Variants in DAB1 observed in about 807,000 individuals in gnomAD.
The protein encoded by DAB1 is disabled homolog 1.
DAB1 carries 15 observed loss-of-function variants against 64.6 expected under a neutral mutation model. The ratio of observed to expected loss-of-function variants is 0.23; its 90% CI spans 0.16 to 0.36. The LOEUF (loss-of-function observed/expected upper bound fraction) is 0.36, where lower values mean the gene tolerates loss of function less well. DAB1 is among the 10% of genes least tolerant of loss of function. The pLI is 1.00. For synonymous variants in DAB1, 235 were observed against 251.9 expected, an observed-to-expected ratio of 0.93 and a Z score of 0.64; for missense variants, 596 against 706.7, an observed-to-expected ratio of 0.84 and a Z score of 1.78.
chr1:57,317,668 C>A (rs75367578), intron 1 of DAB1, among the ~76,000 whole-genome samples: 1 of 152,134 alleles, frequency 6.6e-6, no homozygotes, highest in South Asian at 2.1e-4. Context: ...CAGCATCCAC[C>A]TCACATGGGA....
intron 6 of DAB1, among the ~76,000 whole-genome samples, chr1:57,805,005 G>T (rs1416514789): frequency 1.3e-5 from 2 of 152,170 alleles, no homozygotes; most frequent in Non-Finnish European, 2.9e-5. Flanking sequence ...AATCCAAGCT[G>T]CTCATTAAAA....
At chr1:57,611,193 G>C (rs533523501) in intron 7 of DAB1, among the ~76,000 whole-genome samples, 2 of 143,960 alleles carry the variant, frequency 1.4e-5, no homozygotes, top group South Asian at 4.7e-4. Flanking sequence ...CCAAACTCAG[G>C]CACCCGGCAT....
intron 6 of DAB1, among the ~76,000 whole-genome samples, chr1:57,703,755 G>A (rs3126025): frequency 0.4 from 60,715 of 151,882 alleles, 12,831 homozygotes; most frequent in African/African-American, 0.55. Context: ...TTGCAGCACT[G>A]TTCACAATAT....
intron 4 of DAB1, among the ~76,000 whole-genome samples, chr1:58,269,300 T>G (rs1348344191): frequency 6.6e-6 from 1 of 151,850 alleles, no homozygotes; most frequent in East Asian, 1.9e-4. Context: ...TTACTGAGAA[T>G]GATGACTTCC....
At chr1:58,304,972 TTTTTAA>T (rs1433147804) in intron 4 of DAB1, among the ~76,000 whole-genome samples, 3 of 152,176 alleles carry the variant, frequency 2.0e-5, no homozygotes, top group South Asian at 4.1e-4. Flanking sequence ...CTTTTTTTAA[TTTTTAA>T]TTTTAATTTT....
chr1:57,879,877 C>T (rs1363081843), intron 1 of DAB1, among the ~76,000 whole-genome samples: 4 of 152,120 alleles, frequency 2.6e-5, no homozygotes, highest in East Asian at 1.9e-4. Context: ...AAAGCCCAAA[C>T]GCAGGGAACA....
chr1:57,687,152 C>T (rs1646707366), intron 6 of DAB1, among the ~76,000 whole-genome samples: 1 of 152,186 alleles, frequency 6.6e-6, no homozygotes, highest in South Asian at 2.1e-4. Context: ...ACCCTAAAAA[C>T]TTCATCAAAA....
chr1:58,448,413 T>C (rs938482686), intron 3 of DAB1, among the ~76,000 whole-genome samples: 5 of 152,192 alleles, frequency 3.3e-5, no homozygotes, highest in Non-Finnish European at 7.4e-5. Flanking sequence ...ATAAGAAAAC[T>C]GAGATCAAAG....
intron 4 of DAB1, among the ~76,000 whole-genome samples, chr1:58,182,415 CA>C (rs1234946010): frequency 1.3e-5 from 2 of 151,802 alleles, no homozygotes; most frequent in African/African-American, 4.8e-5. Context: ...ATGAGACTCC[CA>C]TGAAACATAT....
chr1:58,252,766 T>G (rs1660833577), intron 4 of DAB1, among the ~76,000 whole-genome samples: 1 of 152,152 alleles, frequency 6.6e-6, no homozygotes, highest in Admixed American at 6.5e-5. Flanking sequence ...CTCTTGACTT[T>G]CTCCTTCTCT....
chr1:58,417,226 C>A (rs536441524), intron 3 of DAB1, among the ~76,000 whole-genome samples: 1 of 152,166 alleles, frequency 6.6e-6, no homozygotes, highest in Non-Finnish European at 1.5e-5. Flanking sequence ...CAATAAAAAC[C>A]AGCTGTGGTT....
chr1:57,731,757 A>G (rs2101774738), intron 6 of DAB1, among the ~76,000 whole-genome samples: 1 of 152,048 alleles, frequency 6.6e-6, no homozygotes, highest in East Asian at 1.9e-4. Flanking sequence ...GTAAGCCGAG[A>G]TCACATCACT....
At chr1:57,538,118 G>A (rs573274579) in intron 7 of DAB1, among the ~76,000 whole-genome samples, 2 of 152,292 alleles carry the variant, frequency 1.3e-5, no homozygotes, top group Non-Finnish European at 2.9e-5. Flanking sequence ...GAGGTTTGGA[G>A]GGTTCAAATG....
chr1:57,135,076 C>T (rs1014584279), intron 4 of DAB1, among the ~76,000 whole-genome samples: 3 of 152,112 alleles, frequency 2.0e-5, no homozygotes, highest in Admixed American at 2.0e-4. Flanking sequence ...CGAGTTACAC[C>T]TAGCTATTTT....
At chr1:57,090,845 GCAGTACCGCCTGAGCTCTACCTCCTAT>G (rs1653589280) in intron 4 of DAB1, among the ~76,000 whole-genome samples, 1 of 152,124 alleles carries the variant, frequency 6.6e-6, no homozygotes, top group Non-Finnish European at 1.5e-5. Flanking sequence ...AGGTGAGTGA[GCAGTACCGCCTGAGCTCTACCTCCTAT>G]CAGATCAGTA....
At chr1:58,284,615 GTCT>G (rs1436863499) in intron 4 of DAB1, among the ~76,000 whole-genome samples, 1 of 152,252 alleles carries the variant, frequency 6.6e-6, no homozygotes, top group East Asian at 1.9e-4. Flanking sequence ...TACAGTAAAA[GTCT>G]TCTCAAAGTC....
chr1:57,606,651 T>TATAATATATTA (rs1491314125), intron 7 of DAB1, among the ~76,000 whole-genome samples: 2 of 76,260 alleles, frequency 2.6e-5, no homozygotes, highest in East Asian at 3.6e-4. Context: ...GAAATATATA[T>TATAATATATTA]TATGTATGAA....
chr1:57,769,021 CT>C (rs1649444411), intron 6 of DAB1, among the ~76,000 whole-genome samples: 1 of 152,142 alleles, frequency 6.6e-6, no homozygotes, highest in African/African-American at 2.4e-5. Flanking sequence ...TCACTTTGCC[CT>C]TCACCCACCT....
chr1:57,517,283 T>C (rs918171561), intron 7 of DAB1, among the ~76,000 whole-genome samples: 4 of 152,202 alleles, frequency 2.6e-5, no homozygotes, highest in African/African-American at 7.2e-5. Flanking sequence ...TTTCTCAGAC[T>C]TGTTTAATTC....
Sources: allele counts gnomAD v4.1 joint callset (sites outside exome capture counted in the v4.1 genomes callset), GRCh38; gene constraint gnomAD v4.1.1; transcripts MANE v1.5; gene names NCBI Gene and HGNC (gene_info 2026-07-23, HGNC 2026-07-21).